The following EPC2 variants were observed in gnomAD, a reference collection of about 807,000 sequenced individuals.
EPC2 encodes the protein enhancer of polycomb 2, also known as enhancer of polycomb homolog 2.
EPC2 carries 14 observed loss-of-function variants against 92.1 expected under a neutral mutation model. That is an observed-to-expected ratio of 0.15 (90% CI 0.10 to 0.24). The LOEUF is 0.24. Among genes scored for constraint, EPC2 ranks in the 10% least tolerant of loss-of-function variants. The probability of loss-of-function intolerance (pLI) is 1.00; values close to 1 mark genes in which losing one functional copy is unlikely to be tolerated. For synonymous variants in EPC2, 340 were observed against 334.7 expected (o/e 1.02, Z -0.17); for missense variants, 755 against 971.5 (o/e 0.78, Z 2.96).
chr2:148,667,772 G>T (rs1054871431), intron 1 of EPC2, among the ~76,000 whole-genome samples: 6 of 152,060 alleles, frequency 3.9e-5, no homozygotes, highest in African/African-American at 1.4e-4. Context: ...TTTTTGTAAT[G>T]CCCTTTATCA....
chr2:148,646,277 A>G (rs1559136559), intron 1 of EPC2, among the ~76,000 whole-genome samples: 1 of 152,214 alleles, frequency 6.6e-6, no homozygotes, highest in Non-Finnish European at 1.5e-5. Flanking sequence ...ATTGCAGGAA[A>G]TGCTTTTATG....
intron 2 of EPC2, among the ~76,000 whole-genome samples, chr2:148,709,198 A>G (rs928441595): frequency 7.9e-5 from 12 of 152,240 alleles, no homozygotes; most frequent in Non-Finnish European, 1.8e-4. Flanking sequence ...TTATACACCA[A>G]TAACAGACAA....
At chr2:148,673,865 C>T (rs527561598) in intron 1 of EPC2, among the ~76,000 whole-genome samples, 2 of 152,214 alleles carry the variant, frequency 1.3e-5, no homozygotes, top group East Asian at 3.9e-4. Context: ...GGATTACAGG[C>T]GTGAGCCACC....
intron 8 of EPC2, among the ~76,000 whole-genome samples, chr2:148,769,951 A>G (rs757307127): frequency 5.3e-5 from 8 of 152,136 alleles, no homozygotes; most frequent in Non-Finnish European, 1.0e-4. Flanking sequence ...GAGAAGGGAA[A>G]ATTCTTAACG....
At chr2:148,740,687 A>T (rs1358102590) in intron 2 of EPC2, among the ~76,000 whole-genome samples, 16 of 152,156 alleles carry the variant, frequency 1.1e-4, no homozygotes, top group Admixed American at 1.0e-3. Context: ...AAAGATGGTC[A>T]TGCAAAATTT....
intron 6 of EPC2, 75 bp downstream of exon 6, chr2:148,762,877 T>A: frequency 6.9e-7 from 1 of 1,459,294 alleles, no homozygotes. Flanking sequence ...TGCAGTTGTC[T>A]TAATATGGTT....
intron 1 of EPC2, among the ~76,000 whole-genome samples, chr2:148,687,045 A>G (rs779018379): frequency 2.8e-4 from 43 of 152,318 alleles, no homozygotes; most frequent in Non-Finnish European, 4.6e-4. Flanking sequence ...TTTCATCTAC[A>G]TTGAAAATCT....
Position 148,644,981 on chromosome 2 carries a change from G to A in EPC2, c.-37G>A. ...TCCCCCCCTCCCCGCCCGCCCCGCC[G>A]CCGCCGCCCGGGCTGTTCCTGTAAG... is the stretch of plus-strand genomic sequence containing the variant. On this transcript the variant is annotated 5_prime_UTR_variant, in exon 1 of 14. Coordinates refer to ENST00000258484, the MANE Select transcript of EPC2 (RefSeq NM_015630.4). The A allele has an allele frequency of 7.6e-7, 1 of 1,319,788 alleles. No individual in the cohort carries two copies. Among genetic ancestry groups the A allele is most frequent in the Non-Finnish European group, 1.0e-6 (1 of 996,280 alleles). 81.8% of individuals were successfully genotyped at this position (1,319,788 alleles called of 1,614,324 possible).
intron 2 of EPC2, among the ~76,000 whole-genome samples, chr2:148,738,087 T>A (rs1341912205): frequency 6.6e-6 from 1 of 152,202 alleles, no homozygotes; most frequent in Admixed American, 6.5e-5. Flanking sequence ...TGGTTCTCAC[T>A]TTGTTTCTGT....
chr2:148,645,085 A>C lies in EPC2; in HGVS notation c.68A>C (p.Lys23Thr). ...AAKPLPIYRG[K>T]DMPDLNDCVS... ...AAGCCGCTGCCTATCTACCGCGGCA[A>C]GGACATGCCTGATCTCAACGACTGC... is the stretch of plus-strand genomic sequence containing the variant. Residue 23 changes from lysine to threonine, a missense_variant, in exon 1 of 14, where the codon AAG becomes ACG. Lys to Thr is a moderately conservative substitution (Grantham distance 78). This residue lies in a region of EPC2 where 36 missense variants were observed against 84.0 expected (regional missense o/e 0.43). Coordinates refer to ENST00000258484, the MANE Select transcript of EPC2 (RefSeq NM_015630.4). The C allele has an allele frequency of 1.9e-6, 3 of 1,593,908 alleles. No homozygotes were observed. Among genetic ancestry groups the C allele is most frequent in the Non-Finnish European group, 2.6e-6 (3 of 1,169,410 alleles).
chr2:148,686,411 C>G (rs768685738), intron 1 of EPC2, among the ~76,000 whole-genome samples: 5 of 152,206 alleles, frequency 3.3e-5, no homozygotes, highest in Non-Finnish European at 5.9e-5. Flanking sequence ...AAGTCTTGAA[C>G]TCCTCAAAGT....
chr2:148,646,497 A>T (rs1329884392), intron 1 of EPC2, among the ~76,000 whole-genome samples: 1 of 152,062 alleles, frequency 6.6e-6, no homozygotes, highest in African/African-American at 2.4e-5. Flanking sequence ...GCACATACAC[A>T]TATATATTTG....
intron 10 of EPC2, among the ~76,000 whole-genome samples, chr2:148,780,087 CTT>C (rs1396861012): frequency 2.6e-5 from 4 of 152,100 alleles, no homozygotes; most frequent in Non-Finnish European, 2.9e-5. Flanking sequence ...AAATAGAACA[CTT>C]GCAGTGAATT....
chr2:148,731,762 A>C (rs1682636629), intron 2 of EPC2, among the ~76,000 whole-genome samples: 1 of 152,252 alleles, frequency 6.6e-6, no homozygotes, highest in Non-Finnish European at 1.5e-5. Context: ...GCTTCTCTTT[A>C]CATTAAAAAA....
intron 2 of EPC2, among the ~76,000 whole-genome samples, chr2:148,735,003 T>G (rs906597668): frequency 6.6e-6 from 1 of 152,108 alleles, no homozygotes; most frequent in Non-Finnish European, 1.5e-5. Flanking sequence ...CATGTTTTTA[T>G]GTAAACATAG....
intron 3 of EPC2, among the ~76,000 whole-genome samples, chr2:148,745,621 T>G (rs1033113459): frequency 5.3e-5 from 8 of 152,126 alleles, no homozygotes; most frequent in African/African-American, 1.9e-4. Flanking sequence ...TAGCATCTAC[T>G]TTCAGCAATG....
intron 2 of EPC2, among the ~76,000 whole-genome samples, chr2:148,725,342 T>C (rs1291721466): frequency 6.6e-6 from 1 of 152,080 alleles, no homozygotes; most frequent in Non-Finnish European, 1.5e-5. Flanking sequence ...TTGCTTTCTG[T>C]TTTTTTAACT....
intron 1 of EPC2, among the ~76,000 whole-genome samples, chr2:148,680,454 T>A (rs1278850296): frequency 1.3e-5 from 2 of 152,224 alleles, no homozygotes; most frequent in Admixed American, 6.5e-5. Context: ...TGATAAATAA[T>A]TTTTAATTCA....
chr2:148,724,464 A>G (rs1460109535), intron 2 of EPC2, among the ~76,000 whole-genome samples: 2 of 152,110 alleles, frequency 1.3e-5, no homozygotes, highest in African/African-American at 4.8e-5. Context: ...TTTGTATCCA[A>G]TAACAAATTA....
Sources: allele counts gnomAD v4.1 joint callset (sites outside exome capture counted in the v4.1 genomes callset), GRCh38; gene constraint gnomAD v4.1.1; regional missense constraint gnomAD v4.1.1; transcripts MANE v1.5; gene names NCBI Gene and HGNC (gene_info 2026-07-23, HGNC 2026-07-21).